SPTBN1: variants seen among roughly 807,000 people sequenced by gnomAD.
SPTBN1 encodes spectrin beta chain, non-erythrocytic 1.
A neutral mutation model predicts 266.4 loss-of-function variants in SPTBN1; 32 were observed. That is an observed-to-expected ratio of 0.12 (90% CI 0.09 to 0.16). The LOEUF (loss-of-function observed/expected upper bound fraction) is 0.16. Ranked by LOEUF, SPTBN1 falls within the 10% of genes least tolerant of loss-of-function variation. The pLI is 1.00. For synonymous variants in SPTBN1, 1,336 were observed against 1,162.2 expected, an observed-to-expected ratio of 1.15 and a Z score of -3.04; for missense variants, 2,296 against 3,067.1, an observed-to-expected ratio of 0.75 and a Z score of 5.94.
intron 28 of SPTBN1, 105 bp from the exon 29 acceptor site, chr2:54,655,809 A>G (rs970647486): frequency 1.6e-5 from 13 of 790,570 alleles, no homozygotes; most frequent in Non-Finnish European, 2.5e-5. Flanking sequence ...TCCCAGCTTA[A>G]TGGTGGTCTT....
intron 2 of SPTBN1, among the ~76,000 whole-genome samples, chr2:54,565,491 T>C (rs1673602463): frequency 6.6e-6 from 1 of 152,200 alleles, no homozygotes; most frequent in Admixed American, 6.5e-5. Context: ...TCTCCCACAG[T>C]TGGCTCAAGA....
chr2:54,553,205 G>T (rs1352438629), intron 2 of SPTBN1, among the ~76,000 whole-genome samples: 1 of 152,172 alleles, frequency 6.6e-6, no homozygotes, highest in East Asian at 1.9e-4. Context: ...TTTAACAGAG[G>T]CAGGTTTTAG....
At chr2:54,634,575 C>T (rs1678983757) in intron 17 of SPTBN1, among the ~76,000 whole-genome samples, 1 of 152,138 alleles carries the variant, frequency 6.6e-6, no homozygotes, top group African/African-American at 2.4e-5. Flanking sequence ...CCCAGAGGCC[C>T]ACAGAATTGA....
chr2:54,465,668 A>ATC (rs942414869), intron 1 of SPTBN1, among the ~76,000 whole-genome samples: 6 of 137,956 alleles, frequency 4.3e-5, no homozygotes, highest in African/African-American at 1.3e-4. Context: ...ATATATATAT[A>ATC]TCTCACACAT....
intron 2 of SPTBN1, among the ~76,000 whole-genome samples, chr2:54,528,876 G>A (rs893399424): frequency 6.6e-6 from 1 of 152,196 alleles, no homozygotes; most frequent in Non-Finnish European, 1.5e-5. Context: ...TACTGGATGG[G>A]GGGGCAGGAA....
intron 2 of SPTBN1, among the ~76,000 whole-genome samples, chr2:54,537,247 G>C (rs747735695): frequency 1.3e-5 from 2 of 152,152 alleles, no homozygotes; most frequent in Non-Finnish European, 2.9e-5. Context: ...TCCAACCCCA[G>C]CTCTTGCCTA....
Position 54,649,331 on chromosome 2 carries a change from C to T in SPTBN1, c.5202+141C>T. On this transcript the variant is annotated intron_variant, in intron 25 of 35. Coordinates refer to ENST00000356805, the MANE Select transcript of SPTBN1 (RefSeq NM_003128.3). This position sits in a 1 kb window ranked among gnomAD's most constrained non-coding sequence, Gnocchi z 6.7. The stretch of plus-strand genomic sequence containing the variant: ...GGGGTTTAGTTTTAAGGTGGTGTTT[C>T]TTTTATAAGCTGGTGACTCGCATTT... The T allele has an allele frequency of 9.4e-7, 1 of 1,059,010 alleles. No homozygotes were observed. The highest frequency in any genetic ancestry group is 1.8e-5 in the South Asian group (1 of 56,192). The allele number at this position is 1,059,010 out of a possible 1,614,324, so 65.6% of individuals were successfully genotyped here.
At chr2:54,496,832 T>C (rs144952660) in intron 1 of SPTBN1, among the ~76,000 whole-genome samples, 260 of 152,316 alleles carry the variant, frequency 1.7e-3, no homozygotes, top group African/African-American at 5.7e-3. Flanking sequence ...GAGCAGTTGG[T>C]TTCCTTCTAG....
chr2:54,625,634 AG>A (rs1312787959), intron 11 of SPTBN1, among the ~76,000 whole-genome samples: 1 of 152,164 alleles, frequency 6.6e-6, no homozygotes, highest in Admixed American at 6.5e-5. Context: ...CTTGTCATTC[AG>A]GCTGGAGTGC....
In SPTBN1 at chr2:54,644,341, T is replaced by C; in HGVS notation, c.4024T>C (p.Ser1342Pro). The C allele has an allele frequency of 6.2e-7, 1 of 1,610,102 alleles. No individual in the cohort carries two copies. Among genetic ancestry groups the C allele is most frequent in the Non-Finnish European group, 8.5e-7 (1 of 1,176,464 alleles). The change falls in exon 20 of 36, where the codon TCA (serine) becomes CCA (proline). Residue 1342 changes from serine to proline, a missense_variant. By Grantham distance (74) the Ser-to-Pro change is moderately conservative (BLOSUM62 -1). Coordinates refer to ENST00000356805, the MANE Select transcript of SPTBN1 (RefSeq NM_003128.3). ...TTTCCAGGAAGGAATGCAGCTCATT[T>C]CAGAAAAGCCTGAGACGGAAGCTGT... is the stretch of plus-strand genomic sequence containing the variant. ...KIEKEGMQLI[S>P]EKPETEAVVK...
chr2:54,487,811 C>T (rs1222112096), intron 1 of SPTBN1, among the ~76,000 whole-genome samples: 1 of 137,442 alleles, frequency 7.3e-6, no homozygotes, highest in South Asian at 2.4e-4. Flanking sequence ...TATTAATTCA[C>T]TTGATGGTCT....
chr2:54,524,186 G>A lies in SPTBN1; in HGVS notation c.-47-2186G>A, dbSNP rs137905680. Among the ~76,000 whole-genome samples, 1,010 of 151,868 alleles carry A rather than the reference G, an allele frequency of 6.7e-3. 7 individuals are homozygous for A. Among genetic ancestry groups the A allele is most frequent in the Non-Finnish European group, 0.011 (731 of 67,948 alleles). ...TGCACTCCAGCCTGGGTGACAGAGC[G>A]AAACTCCATCTCAAAAAAAAAAATG... On this transcript the variant is annotated intron_variant, in intron 1 of 35. Coordinates refer to ENST00000356805, the MANE Select transcript of SPTBN1 (RefSeq NM_003128.3).
At chr2:54,599,589 G>A (rs1486585510) in intron 3 of SPTBN1, among the ~76,000 whole-genome samples, 1 of 152,214 alleles carries the variant, frequency 6.6e-6, no homozygotes, top group Non-Finnish European at 1.5e-5. Context: ...TCCCACATGC[G>A]ATGATGGAAT....
intron 2 of SPTBN1, among the ~76,000 whole-genome samples, chr2:54,557,512 A>T (rs1013079648): frequency 8.5e-5 from 13 of 152,060 alleles, no homozygotes; most frequent in Non-Finnish European, 1.8e-4. Flanking sequence ...TTGGTGGGAG[A>T]AGAAGCTGGG....
chr2:54,634,182 T>G (rs900667447), intron 17 of SPTBN1, among the ~76,000 whole-genome samples: 11 of 152,190 alleles, frequency 7.2e-5, no homozygotes, highest in Non-Finnish European at 1.6e-4. Context: ...CTGTTAGGGA[T>G]GTGTGCATTC....
chr2:54,656,645 G>C (rs1158064988), intron 29 of SPTBN1, among the ~76,000 whole-genome samples: 1 of 152,082 alleles, frequency 6.6e-6, no homozygotes, highest in East Asian at 1.9e-4. Context: ...TTGGAGTTCT[G>C]GGCTCTGTCC....
chr2:54,475,891 G>C (rs1204323963), intron 1 of SPTBN1, among the ~76,000 whole-genome samples: 1 of 152,150 alleles, frequency 6.6e-6, no homozygotes, highest in African/African-American at 2.4e-5. Flanking sequence ...GTCCATACCA[G>C]AGTGTTTAGT....
At chr2:54,523,074 T>C (rs941164337) in intron 1 of SPTBN1, among the ~76,000 whole-genome samples, 2 of 152,220 alleles carry the variant, frequency 1.3e-5, no homozygotes, top group Admixed American at 1.3e-4. Flanking sequence ...CTGATATTGA[T>C]AATAGTCATG....
chr2:54,562,885 A>G (rs551745492), intron 2 of SPTBN1, among the ~76,000 whole-genome samples: 17 of 152,080 alleles, frequency 1.1e-4, no homozygotes, highest in South Asian at 8.3e-4. Flanking sequence ...TTTAAATACT[A>G]TGCCTGCATT....
Sources: allele counts gnomAD v4.1 joint callset (sites outside exome capture counted in the v4.1 genomes callset), GRCh38; gene constraint gnomAD v4.1.1; non-coding constraint Gnocchi (gnomAD v3.1); transcripts MANE v1.5; gene names NCBI Gene and HGNC (gene_info 2026-07-23, HGNC 2026-07-21).